Variants in RELN observed in about 807,000 individuals in gnomAD.
RELN encodes reelin.
In RELN, 108 loss-of-function variants were observed where a neutral mutation model predicts 427.6. The observed-to-expected ratio is 0.25, with a 90% CI of 0.22 to 0.30. The LOEUF (loss-of-function observed/expected upper bound fraction) is 0.30, where lower values mean the gene tolerates loss of function less well. RELN is among the 10% of genes least tolerant of loss of function. The pLI is 1.00. For synonymous variants in RELN, 1,524 were observed against 1,513.4 expected (o/e 1.01, Z -0.16); for missense variants, 3,715 against 4,302.8 (o/e 0.86, Z 3.82).
chr7:103,820,334 G>A (rs1792983080), intron 3 of RELN, among the ~76,000 whole-genome samples: 1 of 151,986 alleles, frequency 6.6e-6, no homozygotes, highest in Non-Finnish European at 1.5e-5. Flanking sequence ...ACATTTTTCT[G>A]TTCCATCTTT....
intron 2 of RELN, among the ~76,000 whole-genome samples, chr7:103,903,702 T>C (rs1337006213): frequency 2.0e-5 from 3 of 152,186 alleles, no homozygotes; most frequent in Admixed American, 6.6e-5. Context: ...ATATGATTTA[T>C]ATACATATCA....
intron 46 of RELN, among the ~76,000 whole-genome samples, chr7:103,529,117 AGAGT>A (rs1383145315): frequency 2.8e-5 from 4 of 142,154 alleles, no homozygotes; most frequent in Non-Finnish European, 6.1e-5. Flanking sequence ...GCCTGACAAC[AGAGT>A]GAGACTCCAT....
chr7:103,712,759 T>A (rs563198853), intron 8 of RELN, among the ~76,000 whole-genome samples: 1 of 152,378 alleles, frequency 6.6e-6, no homozygotes, highest in East Asian at 1.9e-4. Flanking sequence ...TTTTGTAATA[T>A]GAAATTACAG....
chr7:103,838,051 CAA>C (rs200104310), intron 2 of RELN, among the ~76,000 whole-genome samples: 2 of 150,780 alleles, frequency 1.3e-5, no homozygotes, highest in East Asian at 3.9e-4. Flanking sequence ...ACTAAAAATA[CAA>C]AAAAAATTAG....
At chr7:103,947,301 T>G (rs1796240755) in intron 1 of RELN, among the ~76,000 whole-genome samples, 1 of 152,158 alleles carries the variant, frequency 6.6e-6, no homozygotes, top group Non-Finnish European at 1.5e-5. Flanking sequence ...AAGTAATCAT[T>G]TGCTTAAGTC....
At chr7:103,562,035 C>A (rs748893509) in intron 34 of RELN, 82 bp from the exon 35 acceptor site, 308 of 1,513,242 alleles carry the variant, frequency 2.0e-4, no homozygotes, top group Admixed American at 2.6e-4. Flanking sequence ...TTTTAATTCC[C>A]TTTTCTCTTT....
intron 3 of RELN, among the ~76,000 whole-genome samples, chr7:103,808,344 T>C (rs979416400): frequency 6.6e-6 from 1 of 151,920 alleles, no homozygotes; most frequent in African/African-American, 2.4e-5. Context: ...CACACCAACA[T>C]GGCACATGTA....
chr7:103,687,339 A>G (rs1036570306), intron 10 of RELN, among the ~76,000 whole-genome samples: 1 of 152,142 alleles, frequency 6.6e-6, no homozygotes, highest in Non-Finnish European at 1.5e-5. Flanking sequence ...ACAGTGTGGG[A>G]GACTGCAAGA....
intron 45 of RELN, among the ~76,000 whole-genome samples, 175 bp downstream of exon 45, chr7:103,538,903 A>C (rs565445142): frequency 6.6e-6 from 1 of 152,238 alleles, no homozygotes; most frequent in South Asian, 2.1e-4. Context: ...TCAACTTTTA[A>C]AACTCAGTTT....
intron 63 of RELN, among the ~76,000 whole-genome samples, chr7:103,481,716 A>G (rs1237022910): frequency 6.6e-6 from 1 of 152,098 alleles, no homozygotes; most frequent in Non-Finnish European, 1.5e-5. Flanking sequence ...CTATTTGGAA[A>G]TCTCTCTATG....
At chr7:103,516,239 T>G (rs1278582884) in intron 49 of RELN, among the ~76,000 whole-genome samples, 1 of 151,992 alleles carries the variant, frequency 6.6e-6, no homozygotes, top group African/African-American at 2.4e-5. Flanking sequence ...ATAAAATCTG[T>G]TGGGGAAGAT....
At position 103,671,547 on chromosome 7, in the gene RELN, T is replaced by C. The variant is rs141907236; in HGVS notation, c.1290-10020A>G. 7.6e-4 allele frequency among the ~76,000 whole-genome samples: 115 copies of C among 152,222 alleles called. No individual in the cohort carries two copies. In the South Asian group the frequency reaches 0.012, roughly 15 times the overall value. On this transcript the variant is annotated intron_variant, in intron 11 of 64. Coordinates refer to ENST00000428762, the MANE Select transcript of RELN (RefSeq NM_005045.4). ...CTCAATAAATGTTGGTTTCCTTTTC[T>C]CCTCCCGTAAAATGTAGTGATATTT...
chr7:103,603,129 A>G lies in RELN; in HGVS notation c.3333+175T>C, dbSNP rs918616620. Among the ~76,000 whole-genome samples the G allele has an allele frequency of 1.3e-5, 2 of 152,244 alleles. No homozygotes were observed. Among genetic ancestry groups the G allele is most frequent in the African/African-American group, 4.8e-5 (2 of 41,468 alleles). The stretch of plus-strand genomic sequence containing the variant: ...TTTAGTAACCAAAAAGAGTAATAAA[A>G]AGAACAACAAGAATTTCCCAAGACA... On this transcript the variant is annotated intron_variant, in intron 24 of 64. Transcript: ENST00000428762. The surrounding 1 kb of genome is among the most constrained non-coding windows in gnomAD (Gnocchi z 4.3).
chr7:103,800,566 T>C (rs1225093265), intron 3 of RELN, among the ~76,000 whole-genome samples: 2 of 152,130 alleles, frequency 1.3e-5, no homozygotes, highest in Non-Finnish European at 2.9e-5. Flanking sequence ...TTACACCTTA[T>C]ACAAAAATTA....
chr7:103,795,075 A>C (rs1010945883), intron 3 of RELN, among the ~76,000 whole-genome samples: 1 of 152,194 alleles, frequency 6.6e-6, no homozygotes, highest in Non-Finnish European at 1.5e-5. Flanking sequence ...TTTCTATTGA[A>C]GTCTAGGTGT....
intron 4 of RELN, among the ~76,000 whole-genome samples, chr7:103,763,277 T>C (rs773177877): frequency 2.0e-5 from 3 of 152,182 alleles, no homozygotes; most frequent in Non-Finnish European, 4.4e-5. Context: ...ATTAAAGAAA[T>C]AAGAGTAATT....
At chr7:103,715,785 G>A (rs1484563428) in intron 8 of RELN, among the ~76,000 whole-genome samples, 1 of 152,146 alleles carries the variant, frequency 6.6e-6, no homozygotes, top group African/African-American at 2.4e-5. Context: ...ACTTCCAAGT[G>A]CCCACCCCCT....
intron 7 of RELN, among the ~76,000 whole-genome samples, chr7:103,725,278 T>C (rs1243160917): frequency 1.3e-5 from 2 of 152,170 alleles, no homozygotes; most frequent in Non-Finnish European, 2.9e-5. Flanking sequence ...ATAGGCCTGG[T>C]GCAGAGGCTC....
intron 4 of RELN, among the ~76,000 whole-genome samples, chr7:103,767,425 A>G (rs1791453930): frequency 6.6e-6 from 1 of 152,174 alleles, no homozygotes; most frequent in South Asian, 2.1e-4. Context: ...GATTTTGCCA[A>G]GTTAGCTTGC....
Sources: allele counts gnomAD v4.1 joint callset (sites outside exome capture counted in the v4.1 genomes callset), GRCh38; gene constraint gnomAD v4.1.1; non-coding constraint Gnocchi (gnomAD v3.1); transcripts MANE v1.5; gene names NCBI Gene and HGNC (gene_info 2026-07-23, HGNC 2026-07-21).